EXOC6B: variants seen among roughly 807,000 people sequenced by gnomAD.
EXOC6B encodes the protein exocyst complex component 6B.
A neutral mutation model predicts 113.5 loss-of-function variants in EXOC6B; 54 were observed. The observed-to-expected ratio is 0.48, with a 90% CI of 0.38 to 0.60. The LOEUF (loss-of-function observed/expected upper bound fraction) is 0.60. Among genes scored for constraint, EXOC6B ranks in the 20% least tolerant of loss-of-function variants. The probability of loss-of-function intolerance (pLI) is 0.00; values close to 1 mark genes in which losing one functional copy is unlikely to be tolerated. For missense variants in EXOC6B, 797 were observed against 977.5 expected, an observed-to-expected ratio of 0.82 and a Z score of 2.46; for synonymous variants, 357 against 339.0, an observed-to-expected ratio of 1.05 and a Z score of -0.58.
intron 1 of EXOC6B, among the ~76,000 whole-genome samples, chr2:72,786,834 A>C (rs1573796207): frequency 6.6e-6 from 1 of 152,342 alleles, no homozygotes; most frequent in Middle Eastern, 3.4e-3. Context: ...TGTTGAAAAA[A>C]TTATAAAAAA....
At chr2:72,681,379 C>T (rs1010264962) in intron 6 of EXOC6B, among the ~76,000 whole-genome samples, 72 of 152,160 alleles carry the variant, frequency 4.7e-4, no homozygotes, top group African/African-American at 1.7e-3. Flanking sequence ...TGGTATCATA[C>T]TATAATCACT....
chr2:72,368,128 A>G (rs997421334), intron 19 of EXOC6B, among the ~76,000 whole-genome samples: 2 of 152,278 alleles, frequency 1.3e-5, no homozygotes, highest in African/African-American at 4.8e-5. Flanking sequence ...GCTCATAGCT[A>G]GAAAATGAGT....
intron 20 of EXOC6B, among the ~76,000 whole-genome samples, chr2:72,214,262 CG>C (rs1680367194): frequency 8.3e-6 from 1 of 120,982 alleles, no homozygotes; most frequent in Admixed American, 8.9e-5. Flanking sequence ...CTGAGGCGGG[CG>C]GATCATGAGG....
intron 20 of EXOC6B, among the ~76,000 whole-genome samples, chr2:72,224,205 C>T (rs772139863): frequency 2.1e-4 from 32 of 152,090 alleles, no homozygotes; most frequent in Non-Finnish European, 4.0e-4. Flanking sequence ...TTACACCTAA[C>T]GATTAGCAAA....
At chr2:72,491,393 C>A (rs1214385067) in intron 16 of EXOC6B, among the ~76,000 whole-genome samples, 1 of 152,106 alleles carries the variant, frequency 6.6e-6, no homozygotes, top group Non-Finnish European at 1.5e-5. Context: ...GTATCATTAA[C>A]CTTTTGCTGC....
chr2:72,789,648 T>C (rs939246980), intron 1 of EXOC6B, among the ~76,000 whole-genome samples: 2 of 152,216 alleles, frequency 1.3e-5, no homozygotes, highest in African/African-American at 4.8e-5. Flanking sequence ...TCAGGCAGAA[T>C]GTGAAAATTA....
chr2:72,658,381 T>C (rs949357028), intron 6 of EXOC6B, among the ~76,000 whole-genome samples: 2 of 151,494 alleles, frequency 1.3e-5, no homozygotes, highest in African/African-American at 4.8e-5. Context: ...AAAATACTTT[T>C]CTTAATGTTA....
chr2:72,620,112 C>T (rs1029457819), intron 6 of EXOC6B, among the ~76,000 whole-genome samples: 2 of 152,220 alleles, frequency 1.3e-5, no homozygotes, highest in African/African-American at 4.8e-5. Context: ...AGGAAGCTGG[C>T]CTCACTATCT....
intron 6 of EXOC6B, among the ~76,000 whole-genome samples, chr2:72,699,813 G>T (rs1488369839): frequency 6.6e-6 from 1 of 152,110 alleles, no homozygotes; most frequent in Non-Finnish European, 1.5e-5. Flanking sequence ...GCAAAAGTAG[G>T]CTAAGACCAC....
intron 8 of EXOC6B, among the ~76,000 whole-genome samples, chr2:72,519,009 AG>A (rs1419600124): frequency 6.6e-6 from 1 of 152,194 alleles, no homozygotes; most frequent in Non-Finnish European, 1.5e-5. Flanking sequence ...TCTGTGAGAG[AG>A]GGAACATAAG....
At chr2:72,276,180 T>C (rs1684799884) in intron 20 of EXOC6B, among the ~76,000 whole-genome samples, 1 of 152,096 alleles carries the variant, frequency 6.6e-6, no homozygotes, top group Non-Finnish European at 1.5e-5. Context: ...GCCTCCACTT[T>C]GGGGGTAGAC....
At chr2:72,515,474 T>A in intron 8 of EXOC6B, 1 of 1,061,218 alleles carries the variant, frequency 9.4e-7, no homozygotes, top group Non-Finnish European at 1.1e-6. Flanking sequence ...AAAATGCTCC[T>A]TAAAAAACTC....
At chr2:72,588,885 T>A (rs1478003928) in intron 6 of EXOC6B, among the ~76,000 whole-genome samples, 1 of 152,038 alleles carries the variant, frequency 6.6e-6, no homozygotes, top group Admixed American at 6.5e-5. Flanking sequence ...TTTAGTGAAT[T>A]TGAGTAATTC....
At chr2:72,257,164 T>C (rs1244710548) in intron 20 of EXOC6B, among the ~76,000 whole-genome samples, 1 of 152,230 alleles carries the variant, frequency 6.6e-6, no homozygotes, top group Non-Finnish European at 1.5e-5. Flanking sequence ...TCATTCAAAG[T>C]GTTTGAGTAC....
At chr2:72,582,766 T>G (rs1209260223) in intron 6 of EXOC6B, among the ~76,000 whole-genome samples, 1 of 152,088 alleles carries the variant, frequency 6.6e-6, no homozygotes, top group Non-Finnish European at 1.5e-5. Context: ...CCAGCAATGG[T>G]TCCTAACCAA....
chr2:72,395,264 G>C (rs963725990), intron 18 of EXOC6B, among the ~76,000 whole-genome samples: 4 of 152,044 alleles, frequency 2.6e-5, no homozygotes. Context: ...CACAGCCATA[G>C]GAGAAAGTTT....
At chr2:72,772,034 C>T (rs1683429246) in intron 1 of EXOC6B, among the ~76,000 whole-genome samples, 1 of 151,972 alleles carries the variant, frequency 6.6e-6, no homozygotes, top group Non-Finnish European at 1.5e-5. Flanking sequence ...CTAAGGAATC[C>T]AGGTAAGAGA....
intron 6 of EXOC6B, among the ~76,000 whole-genome samples, chr2:72,653,245 T>C (rs929412659): frequency 3.3e-5 from 5 of 151,066 alleles, no homozygotes; most frequent in Non-Finnish European, 5.9e-5. Context: ...GATGAGTTCA[T>C]GTCCTTTGTA....
At chr2:72,222,126 G>A (rs942811168) in intron 20 of EXOC6B, among the ~76,000 whole-genome samples, 1 of 152,138 alleles carries the variant, frequency 6.6e-6, no homozygotes. Context: ...GGGAAGATGG[G>A]GACTCTTTTA....
Sources: gnomAD v4.1 joint callset for allele counts (sites outside exome capture counted in the v4.1 genomes callset) on GRCh38, gnomAD v4.1.1 for gene constraint, MANE v1.5 for transcripts, NCBI Gene and HGNC (gene_info 2026-07-23, HGNC 2026-07-21) for gene names.